The following ANKRD44 variants were observed in gnomAD, a reference collection of about 807,000 sequenced individuals.
ANKRD44 encodes serine/threonine-protein phosphatase 6 regulatory ankyrin repeat subunit B.
ANKRD44 carries 35 observed loss-of-function variants against 116.0 expected under a neutral mutation model. The ratio of observed to expected loss-of-function variants is 0.30; its 90% CI spans 0.23 to 0.40. The LOEUF (loss-of-function observed/expected upper bound fraction) is 0.40, where lower values mean the gene tolerates loss of function less well. Ranked by LOEUF, ANKRD44 falls within the 10% of genes least tolerant of loss-of-function variation. ANKRD44 has a pLI of 1.00. For missense variants in ANKRD44, 1,014 were observed against 1,242.6 expected (o/e 0.82, Z 2.77); for synonymous variants, 435 against 461.8 (o/e 0.94, Z 0.74).
rs543154457 is a variant in ANKRD44, at chr2:197,308,307, C to A, written c.27+2271G>T. Among the ~76,000 whole-genome samples the A allele has an allele frequency of 2.6e-5, 4 of 152,238 alleles. No individual in the cohort carries two copies. In the East Asian group the frequency reaches 7.7e-4, roughly 29 times the overall value. On this transcript the variant is annotated intron_variant, in intron 1 of 27. Transcript: ENST00000282272. ...CGGCTCCCTGCCCACAATGATGGAG[C>A]AAAACTCTTCTAGTAGTGGTCTAAG...
At chr2:196,982,930 G>A (rs1217820867), downstream of ANKRD44, among the ~76,000 whole-genome samples, 3 of 152,154 alleles carry the variant, frequency 2.0e-5, no homozygotes, top group Admixed American at 2.0e-4. Flanking sequence ...CACAGGAACA[G>A]AAAATCAAAC....
At chr2:197,182,468 G>T (rs1319238930) in intron 2 of ANKRD44, among the ~76,000 whole-genome samples, 7 of 152,176 alleles carry the variant, frequency 4.6e-5, no homozygotes, top group Non-Finnish European at 1.5e-5. Context: ...TGGGAGAAAT[G>T]AACTATAAGC....
chr2:197,171,427 G>A (rs1223588927), intron 2 of ANKRD44, among the ~76,000 whole-genome samples: 1 of 152,196 alleles, frequency 6.6e-6, no homozygotes, highest in African/African-American at 2.4e-5. Flanking sequence ...GGAGGGCTTT[G>A]GAGTGACAGT....
intron 1 of ANKRD44, among the ~76,000 whole-genome samples, chr2:197,227,197 C>T (rs560795302): frequency 2.6e-5 from 4 of 152,352 alleles, no homozygotes; most frequent in Admixed American, 6.5e-5. Flanking sequence ...AAACTTCATT[C>T]GGTGGTAAAC....
At chr2:197,140,216 T>TAAAGCCTCTACCTTTGAAAGGTAGAG (rs1214962983) in intron 3 of ANKRD44, among the ~76,000 whole-genome samples, 3 of 152,094 alleles carry the variant, frequency 2.0e-5, no homozygotes, top group African/African-American at 7.2e-5. Context: ...TTTCAAAAGG[T>TAAAGCCTCTACCTTTGAAAGGTAGAG]CCTGTAAAGC....
intron 4 of ANKRD44, among the ~76,000 whole-genome samples, chr2:197,129,121 C>G (rs1028881741): frequency 2.6e-5 from 4 of 151,734 alleles, no homozygotes; most frequent in African/African-American, 9.7e-5. Flanking sequence ...TCCTTCAAAG[C>G]CTTTGTTTGT....
chr2:197,191,529 G>C (rs2080822664), intron 1 of ANKRD44, among the ~76,000 whole-genome samples: 1 of 152,078 alleles, frequency 6.6e-6, no homozygotes, highest in Non-Finnish European at 1.5e-5. Context: ...TTCTCACCCT[G>C]AAAACAAACT....
chr2:197,182,066 A>C (rs1159544885), intron 2 of ANKRD44, among the ~76,000 whole-genome samples: 1 of 152,218 alleles, frequency 6.6e-6, no homozygotes, highest in Admixed American at 6.5e-5. Flanking sequence ...TTGTCATAAC[A>C]TAATCCTCAA....
At chr2:197,309,652 T>A (rs2084181651) in intron 1 of ANKRD44, among the ~76,000 whole-genome samples, 1 of 152,148 alleles carries the variant, frequency 6.6e-6, no homozygotes, top group Admixed American at 6.5e-5. Flanking sequence ...CAAAGTTCCT[T>A]TCACTACCCA....
At chr2:197,152,853 T>C (rs1408622603) in intron 2 of ANKRD44, among the ~76,000 whole-genome samples, 2 of 152,268 alleles carry the variant, frequency 1.3e-5, no homozygotes, top group South Asian at 2.1e-4. Context: ...TTCCACCCTG[T>C]ATATGAATAT....
intron 16 of ANKRD44, among the ~76,000 whole-genome samples, chr2:197,034,104 T>TA (rs1352288073): frequency 8.6e-6 from 1 of 116,250 alleles, no homozygotes; most frequent in Non-Finnish European, 1.8e-5. Context: ...TATGCCTTGC[T>TA]ATACAAACTC....
chr2:197,087,968 G>C (rs1029821516), intron 12 of ANKRD44, among the ~76,000 whole-genome samples: 1 of 152,196 alleles, frequency 6.6e-6, no homozygotes, highest in Non-Finnish European at 1.5e-5. Flanking sequence ...CTGATAAATA[G>C]GTAATGCCTT....
At chr2:197,278,143 C>T (rs367803007) in intron 1 of ANKRD44, among the ~76,000 whole-genome samples, 13 of 151,924 alleles carry the variant, frequency 8.6e-5, no homozygotes, top group South Asian at 4.2e-4. Flanking sequence ...TCAGTGGGGA[C>T]GGGAGGGATG....
At position 197,099,961 on chromosome 2, in the gene ANKRD44, C is replaced by G. The variant is rs1399989428; in HGVS notation, c.986-31G>C. ...AGAGATATTTTAATACAGGATAACGCAAGGATTCAGGTTGATTCAGGTCCT... is the reference window on the plus strand; with the variant it reads ...AGAGATATTTTAATACAGGATAACGGAAGGATTCAGGTTGATTCAGGTCCT... On this transcript the variant is annotated intron_variant, in intron 9 of 27. Coordinates refer to ENST00000282272, the MANE Select transcript of ANKRD44 (RefSeq NM_001195144.2). The G allele has an allele frequency of 2.5e-6, 4 of 1,602,972 alleles. No individual in the cohort carries two copies. In the South Asian group the frequency reaches 4.4e-5, roughly 18 times the overall value.
chr2:197,214,156 A>G (rs184479392), intron 1 of ANKRD44, among the ~76,000 whole-genome samples: 11 of 152,324 alleles, frequency 7.2e-5, no homozygotes, highest in Non-Finnish European at 1.5e-4. Context: ...ATGAGCACAA[A>G]GATTTATGTT....
chr2:197,134,936 C>T (rs1177936258), intron 4 of ANKRD44: 1 of 152,122 alleles, frequency 6.6e-6, no homozygotes, highest in Non-Finnish European at 1.5e-5. Flanking sequence ...CAGCTCACTG[C>T]CCTCGTTTTC....
At chr2:197,093,332 C>G (rs1212314201) in intron 10 of ANKRD44, among the ~76,000 whole-genome samples, 1 of 151,940 alleles carries the variant, frequency 6.6e-6, no homozygotes, top group Non-Finnish European at 1.5e-5. Flanking sequence ...TTCCATAAAC[C>G]TCATTATCAA....
intron 1 of ANKRD44, among the ~76,000 whole-genome samples, chr2:197,282,923 G>C (rs2083307469): frequency 6.6e-6 from 1 of 152,170 alleles, no homozygotes; most frequent in Non-Finnish European, 1.5e-5. Context: ...AGAGTACACT[G>C]TTATGAATTT....
chr2:197,001,639 G>A (rs1358383257), intron 22 of ANKRD44, 114 bp downstream of exon 22: 1 of 686,990 alleles, frequency 1.5e-6, no homozygotes, highest in Non-Finnish European at 2.4e-6. Context: ...AGCAAAAATG[G>A]AATATTTCAG....
Sources: gnomAD v4.1 joint callset for allele counts (sites outside exome capture counted in the v4.1 genomes callset) on GRCh38, gnomAD v4.1.1 for gene constraint, MANE v1.5 for transcripts, NCBI Gene and HGNC (gene_info 2026-07-23, HGNC 2026-07-21) for gene names.